Variants in GFRA2 observed in about 807,000 individuals in gnomAD.
GFRA2 encodes the protein GDNF family receptor alpha 2.
GFRA2 carries 17 observed loss-of-function variants against 48.3 expected under a neutral mutation model. That is an observed-to-expected ratio of 0.35 (90% CI 0.24 to 0.53). The LOEUF (loss-of-function observed/expected upper bound fraction) is 0.53. Among genes scored for constraint, GFRA2 ranks in the 20% least tolerant of loss-of-function variants. The probability of loss-of-function intolerance (pLI) is 0.93; values close to 1 mark genes in which losing one functional copy is unlikely to be tolerated. For missense variants in GFRA2, 660 were observed against 637.3 expected, an observed-to-expected ratio of 1.04 and a Z score of -0.38; for synonymous variants, 305 against 257.2, an observed-to-expected ratio of 1.19 and a Z score of -1.78.
At chr8:21,780,054 A>G (rs1585334189) in intron 2 of GFRA2, among the ~76,000 whole-genome samples, 1 of 127,996 alleles carries the variant, frequency 7.8e-6, no homozygotes, top group East Asian at 2.3e-4. Context: ...ATCCTCTCCC[A>G]TCTTTTTTTT....
intron 3 of GFRA2, among the ~76,000 whole-genome samples, chr8:21,760,572 C>T (rs1164127451): frequency 6.6e-6 from 1 of 152,164 alleles, no homozygotes; most frequent in Non-Finnish European, 1.5e-5. Context: ...ATGAAATGGA[C>T]TATTCTGTTT....
At chr8:21,732,038 G>C (rs1308612177) in intron 4 of GFRA2, among the ~76,000 whole-genome samples, 1 of 152,208 alleles carries the variant, frequency 6.6e-6, no homozygotes, top group Non-Finnish European at 1.5e-5. Context: ...GTATTTATGG[G>C]CCCTGAGTCG....
At chr8:21,725,394 G>C (rs560078661) in intron 4 of GFRA2, among the ~76,000 whole-genome samples, 4 of 152,366 alleles carry the variant, frequency 2.6e-5, no homozygotes, top group African/African-American at 9.6e-5. Context: ...CAGAAGCCCA[G>C]TGAATGCCCA....
chr8:21,753,049 G>A (rs907170673), intron 3 of GFRA2, among the ~76,000 whole-genome samples: 1 of 152,206 alleles, frequency 6.6e-6, no homozygotes, highest in South Asian at 2.1e-4. Flanking sequence ...CAGCTGGAGA[G>A]AACCTTCTAG....
chr8:21,698,292 C>T (rs951183481), intron 7 of GFRA2, among the ~76,000 whole-genome samples: 4 of 152,234 alleles, frequency 2.6e-5, no homozygotes, highest in African/African-American at 9.6e-5. Flanking sequence ...CATCAAAGAA[C>T]TGGCCCTTGC....
intron 3 of GFRA2, among the ~76,000 whole-genome samples, chr8:21,764,815 C>G (rs1384390124): frequency 6.6e-6 from 1 of 152,218 alleles, no homozygotes; most frequent in Non-Finnish European, 1.5e-5. Flanking sequence ...AAAAGCAAAG[C>G]CTTCCCTTGA....
rs1288789648 is a variant in GFRA2, at chr8:21,788,534, G to A, written c.-375C>T. 10 of 1,026,032 alleles carry A rather than the reference G, an allele frequency of 9.7e-6. No homozygotes were observed. The highest frequency in any genetic ancestry group is 1.2e-5 in the Non-Finnish European group (10 of 857,250). 63.6% of individuals were successfully genotyped at this position (1,026,032 alleles called of 1,614,324 possible). ...CCCCTGCGCTTCCCAGGAGGGGCCT[G>A]GGGAGGTGGGGAGAGAGGCGATTTG... On this transcript the variant is annotated 5_prime_UTR_variant, in exon 1 of 9. Transcript: ENST00000524240.
At chr8:21,805,978 C>T (rs1372504523) in intron 1 of GFRA2, among the ~76,000 whole-genome samples, 1 of 152,202 alleles carries the variant, frequency 6.6e-6, no homozygotes, top group Non-Finnish European at 1.5e-5. Context: ...AGAAGCCTGT[C>T]TTGGCCAGTC....
At chr8:21,723,649 C>G (rs1159074005) in intron 4 of GFRA2, among the ~76,000 whole-genome samples, 3 of 152,108 alleles carry the variant, frequency 2.0e-5, no homozygotes, top group Non-Finnish European at 4.4e-5. Flanking sequence ...GTGGAAGGAA[C>G]AGCCCCCCTC....
At chr8:21,798,920 T>C (rs898381669) in intron 2 of GFRA2, among the ~76,000 whole-genome samples, 5 of 152,232 alleles carry the variant, frequency 3.3e-5, no homozygotes, top group African/African-American at 4.8e-5. Flanking sequence ...CATTCTTATC[T>C]GTACTCTTCA....
chr8:21,788,886 C>T, upstream of GFRA2: 1 of 739,270 alleles, frequency 1.4e-6, no homozygotes, highest in Non-Finnish European at 1.7e-6. Flanking sequence ...CCTCGCTCTC[C>T]TCTCTCCCTC....
chr8:21,783,762 T>C (rs1404645523), intron 1 of GFRA2, among the ~76,000 whole-genome samples: 2 of 151,802 alleles, frequency 1.3e-5, no homozygotes, highest in Non-Finnish European at 2.9e-5. Context: ...GGAGCATCCA[T>C]GCCCCCCGCG....
chr8:21,735,365 C>G (rs1418194934), intron 4 of GFRA2, among the ~76,000 whole-genome samples: 1 of 152,018 alleles, frequency 6.6e-6, no homozygotes, highest in Non-Finnish European at 1.5e-5. Context: ...GATGTGGAAA[C>G]CAAGCCCCCC....
intron 4 of GFRA2, among the ~76,000 whole-genome samples, chr8:21,711,689 T>TTTTTTTTTTTTTTC (rs71204513): frequency 0.05 from 6,734 of 133,368 alleles, 302 homozygotes; most frequent in African/African-American, 0.13. Flanking sequence ...ACAGTTTTTC[T>TTTTTTTTTTTTTTC]TTTTTTTTTT....
At chr8:21,777,257 A>G (rs1289176603) in intron 2 of GFRA2, among the ~76,000 whole-genome samples, 4 of 152,164 alleles carry the variant, frequency 2.6e-5, no homozygotes, top group African/African-American at 7.2e-5. Context: ...AGTCATTCCT[A>G]AATAAGTACT....
rs1348866023 is a variant in GFRA2 at position 21,750,619 on chromosome 8, G to A, written c.763C>T (p.Arg255Cys). 10 of 1,611,744 alleles carry A rather than the reference G, an allele frequency of 6.2e-6. 1 individual carries two copies. Among genetic ancestry groups the A allele is most frequent in the South Asian group, 3.3e-5 (3 of 90,878 alleles). ...AGGTGGTCAGTCCGGCACACGCCAC[G>A]CAGGTCCAGGCAGTTGGGCTTCTCC... ...DKEKPNCLDL[R>C]GVCRTDHLCR... The change falls in exon 4 of 9, where the codon CGT (arginine) becomes TGT (cysteine). Residue 255 changes from arginine (R) to cysteine (C), a missense_variant. Coordinates refer to ENST00000524240, the MANE Select transcript of GFRA2 (RefSeq NM_001495.5). The surrounding 1 kb of genome is among the most constrained non-coding windows in gnomAD (Gnocchi z 5.7).
intron 1 of GFRA2, among the ~76,000 whole-genome samples, chr8:21,786,427 T>C (rs1192280633): frequency 6.6e-6 from 1 of 151,826 alleles, no homozygotes; most frequent in African/African-American, 2.4e-5. Flanking sequence ...TGAAATACAA[T>C]TTTTTTTTCA....
intron 5 of GFRA2, 114 bp from the exon 6 acceptor site, chr8:21,705,239 C>T (rs1802683430): frequency 9.5e-7 from 1 of 1,053,474 alleles, no homozygotes. Flanking sequence ...ATCCTCTGAC[C>T]TGGCCCCAAA....
chr8:21,740,088 G>A (rs1804677308), intron 4 of GFRA2, among the ~76,000 whole-genome samples: 1 of 152,108 alleles, frequency 6.6e-6, no homozygotes, highest in Non-Finnish European at 1.5e-5. Flanking sequence ...CAACAGTGGT[G>A]TGCTCCCCAC....
Sources: gnomAD v4.1 joint callset for allele counts (sites outside exome capture counted in the v4.1 genomes callset) on GRCh38, gnomAD v4.1.1 for gene constraint, Gnocchi (gnomAD v3.1) non-coding constraint, MANE v1.5 for transcripts, NCBI Gene and HGNC (gene_info 2026-07-23, HGNC 2026-07-21) for gene names.